LYPD6B: variants seen among roughly 807,000 people sequenced by gnomAD.
LYPD6B encodes LY6/PLAUR domain containing 6B, also known as ly6/PLAUR domain-containing protein 6B.
In LYPD6B, 17 loss-of-function variants were observed where a neutral mutation model predicts 22.8. The observed-to-expected ratio is 0.75, with a 90% CI of 0.51 to 1.12. The LOEUF (loss-of-function observed/expected upper bound fraction) is 1.12, where lower values mean the gene tolerates loss of function less well. LYPD6B is among the 50% of genes most tolerant of loss of function. The pLI is 0.00. For missense variants in LYPD6B, 221 were observed against 258.3 expected, an observed-to-expected ratio of 0.86 and a Z score of 0.99; for synonymous variants, 106 against 91.6, an observed-to-expected ratio of 1.16 and a Z score of -0.90.
At chr2:149,209,224 G>C (rs1471385447) in intron 5 of LYPD6B, among the ~76,000 whole-genome samples, 3 of 152,150 alleles carry the variant, frequency 2.0e-5, no homozygotes, top group Non-Finnish European at 4.4e-5. Context: ...CATAGCAGTT[G>C]TGTTCCAAAA....
intron 2 of LYPD6B, among the ~76,000 whole-genome samples, chr2:149,137,302 T>G (rs1688427021): frequency 6.6e-6 from 1 of 152,196 alleles, no homozygotes. Flanking sequence ...CTGTTATTAT[T>G]TTATTTTTAA....
intron 1 of LYPD6B, among the ~76,000 whole-genome samples, chr2:149,087,594 G>T (rs1685458047): frequency 6.6e-6 from 1 of 152,132 alleles, no homozygotes; most frequent in Non-Finnish European, 1.5e-5. Context: ...CCAACAGGCA[G>T]ATTGTGTATT....
rs192397605 is a variant in LYPD6B, at chr2:149,200,110, T to G, written c.78-5143T>G. Among the ~76,000 whole-genome samples, 347 of 152,350 alleles carry G rather than the reference T, an allele frequency of 2.3e-3. 3 individuals carry two copies. Among genetic ancestry groups the G allele is most frequent in the African/African-American group, 7.8e-3 (325 of 41,582 alleles). On this transcript the variant is annotated intron_variant, in intron 3 of 6. Coordinates refer to ENST00000409642, the MANE Select transcript of LYPD6B (RefSeq NM_177964.5). The stretch of plus-strand genomic sequence containing the variant: ...TTCTTTTTACAAGGGAAGCCAGGCC[T>G]GTTAAAGATGTCATTAAAGTGTCTT...
At chr2:149,098,452 C>T (rs1342254929) in intron 1 of LYPD6B, among the ~76,000 whole-genome samples, 3 of 151,780 alleles carry the variant, frequency 2.0e-5, no homozygotes, top group Non-Finnish European at 4.4e-5. Context: ...TGGTGAAACC[C>T]TGTCTCTACT....
chr2:149,073,527 G>C (rs1026690576), intron 1 of LYPD6B, among the ~76,000 whole-genome samples: 1 of 152,152 alleles, frequency 6.6e-6, no homozygotes, highest in African/African-American at 2.4e-5. Context: ...GGGAAGCAAT[G>C]TTGGTTCTGG....
At chr2:149,212,037 G>T (rs1039189461) in intron 5 of LYPD6B, among the ~76,000 whole-genome samples, 4 of 152,078 alleles carry the variant, frequency 2.6e-5, no homozygotes, top group African/African-American at 9.7e-5. Flanking sequence ...ATACATGGAT[G>T]AGAAAAGTCT....
intron 1 of LYPD6B, among the ~76,000 whole-genome samples, chr2:149,089,525 A>ATGTTTTCTTCCATTCCTTTTTATGCTT (rs1685550309): frequency 6.6e-6 from 1 of 152,200 alleles, no homozygotes; most frequent in Admixed American, 6.5e-5. Flanking sequence ...AGAATCTGTA[A>ATGTTTTCTTCCATTCCTTTTTATGCTT]AATAGTTAAA....
chr2:149,104,970 A>G (rs978377609), intron 1 of LYPD6B, among the ~76,000 whole-genome samples: 4 of 152,190 alleles, frequency 2.6e-5, no homozygotes, highest in African/African-American at 9.6e-5. Flanking sequence ...TGATGTTTCA[A>G]TGCATGTATA....
chr2:149,199,966 A>G (rs1693051107), intron 3 of LYPD6B, among the ~76,000 whole-genome samples: 1 of 152,248 alleles, frequency 6.6e-6, no homozygotes, highest in South Asian at 2.1e-4. Flanking sequence ...AACAGCCAGA[A>G]GCAAGTAAAT....
At chr2:149,162,366 A>G (rs1690128781) in intron 3 of LYPD6B, among the ~76,000 whole-genome samples, 1 of 152,194 alleles carries the variant, frequency 6.6e-6, no homozygotes, top group Non-Finnish European at 1.5e-5. Context: ...ACTGAGGCTT[A>G]CCTAAGAGAT....
chr2:149,182,615 T>C (rs1691819893), intron 3 of LYPD6B, among the ~76,000 whole-genome samples: 1 of 152,180 alleles, frequency 6.6e-6, no homozygotes, highest in Non-Finnish European at 1.5e-5. Flanking sequence ...CTAGGACTGG[T>C]TAGAATGAGT....
chr2:149,137,550 A>G (rs935987919), intron 2 of LYPD6B, among the ~76,000 whole-genome samples: 1 of 152,242 alleles, frequency 6.6e-6, no homozygotes, highest in South Asian at 2.1e-4. Flanking sequence ...AGATTTTTGT[A>G]TATTTTATGT....
At chr2:149,104,705 A>T (rs959805446) in intron 1 of LYPD6B, among the ~76,000 whole-genome samples, 1 of 152,224 alleles carries the variant, frequency 6.6e-6, no homozygotes, top group African/African-American at 2.4e-5. Flanking sequence ...CAAAGAAGTG[A>T]ATAATTAAAT....
At chr2:149,061,297 A>G (rs992664062) in intron 1 of LYPD6B, among the ~76,000 whole-genome samples, 5 of 151,744 alleles carry the variant, frequency 3.3e-5, no homozygotes, top group African/African-American at 9.7e-5. Flanking sequence ...CCTGGGCTCC[A>G]GCGATCCTTG....
At chr2:149,082,387 G>A (rs1685176909) in intron 1 of LYPD6B, among the ~76,000 whole-genome samples, 1 of 152,166 alleles carries the variant, frequency 6.6e-6, no homozygotes, top group African/African-American at 2.4e-5. Flanking sequence ...GATTTTGACT[G>A]TGATATATTC....
chr2:149,161,655 G>T (rs1489039813), intron 3 of LYPD6B, among the ~76,000 whole-genome samples: 2 of 152,166 alleles, frequency 1.3e-5, no homozygotes, highest in African/African-American at 4.8e-5. Context: ...CAGCCCAGAG[G>T]CCTTCTGCCT....
chr2:149,200,824 C>G (rs1405109315), intron 3 of LYPD6B: 2 of 152,140 alleles, frequency 1.3e-5, no homozygotes, highest in African/African-American at 4.8e-5. Flanking sequence ...CTTCTGTATC[C>G]CTATAAATAT....
chr2:149,176,558 G>T (rs1250685353), intron 3 of LYPD6B, among the ~76,000 whole-genome samples: 1 of 152,098 alleles, frequency 6.6e-6, no homozygotes, highest in East Asian at 1.9e-4. Flanking sequence ...TGCCTGCAAA[G>T]ACCCCTCTGC....
intron 1 of LYPD6B, among the ~76,000 whole-genome samples, chr2:149,060,678 G>C (rs897115040): frequency 6.6e-6 from 1 of 152,102 alleles, no homozygotes; most frequent in Non-Finnish European, 1.5e-5. Context: ...AGCTGTCAGG[G>C]GTAAGAGGAA....
Sources: gnomAD v4.1 joint callset for allele counts (sites outside exome capture counted in the v4.1 genomes callset) on GRCh38, gnomAD v4.1.1 for gene constraint, MANE v1.5 for transcripts, NCBI Gene and HGNC (gene_info 2026-07-23, HGNC 2026-07-21) for gene names.